NCALD: variants seen among roughly 807,000 people sequenced by gnomAD.
The protein encoded by NCALD is neurocalcin delta.
NCALD carries 10 observed loss-of-function variants against 18.6 expected under a neutral mutation model. That is an observed-to-expected ratio of 0.54 (90% confidence interval 0.33 to 0.91). The LOEUF is 0.91. NCALD is among the 40% of genes least tolerant of loss of function. The pLI, the probability that NCALD is intolerant of heterozygous loss-of-function variation, is 0.03. For synonymous variants in NCALD, 88 were observed against 87.4 expected (o/e 1.01, Z -0.04); for missense variants, 184 against 247.6 (o/e 0.74, Z 1.72).
chr8:102,039,115 G>C (rs1822966233), intron 1 of NCALD, among the ~76,000 whole-genome samples: 1 of 152,094 alleles, frequency 6.6e-6, no homozygotes, highest in Admixed American at 6.5e-5. Context: ...AGGAACTTGA[G>C]CCTTGATGAG....
intron 1 of NCALD, among the ~76,000 whole-genome samples, chr8:101,784,876 C>T (rs772969014): frequency 2.0e-5 from 3 of 152,166 alleles, no homozygotes; most frequent in Admixed American, 6.5e-5. Context: ...CAACATATAA[C>T]ATTAATTCTG....
Position 101,747,558 on chromosome 8 carries a change from C to T in NCALD, c.-19-27910G>A, listed in dbSNP as rs527734305. The stretch of plus-strand genomic sequence containing the variant: ...TAGTGTGAGATAGAGAATAAATTTT[C>T]TCTGTGGCAAGCCAAGGTTGGAGTT... On this transcript the variant is annotated intron_variant, in intron 1 of 3. Transcript: ENST00000220931. Among the ~76,000 whole-genome samples the T allele has an allele frequency of 7.2e-5, 11 of 152,256 alleles. No individual in the cohort carries two copies. The South Asian group carries it at 2.3e-3, about 32-fold the overall frequency.
At chr8:101,768,742 A>C (rs979040188) in intron 1 of NCALD, among the ~76,000 whole-genome samples, 12 of 151,502 alleles carry the variant, frequency 7.9e-5, no homozygotes, top group South Asian at 6.3e-4. Flanking sequence ...AAAAAGAAAG[A>C]AAGCAAGAAA....
intron 1 of NCALD, among the ~76,000 whole-genome samples, chr8:101,768,723 C>CAAAAA (rs71268528): frequency 7.3e-6 from 1 of 136,864 alleles, no homozygotes; most frequent in Non-Finnish European, 1.6e-5. Context: ...AACAAAAAAA[C>CAAAAA]AAAAAAAAAA....
chr8:101,870,909 C>CA (rs1554649159), intron 4 of NCALD, among the ~76,000 whole-genome samples: 2,268 of 81,440 alleles, frequency 0.028, 200 homozygotes, highest in African/African-American at 0.08. Flanking sequence ...CCCCCCCCCC[C>CA]AAAAAAAGAG....
chr8:101,777,786 AAATC>A (rs1170334574), intron 1 of NCALD, among the ~76,000 whole-genome samples: 1 of 152,224 alleles, frequency 6.6e-6, no homozygotes, highest in Non-Finnish European at 1.5e-5. Context: ...GAAAAAGAAT[AAATC>A]AAGAACTGGG....
intron 1 of NCALD, among the ~76,000 whole-genome samples, chr8:101,779,749 T>C (rs982130516): frequency 3.3e-5 from 5 of 152,206 alleles, no homozygotes; most frequent in African/African-American, 1.2e-4. Context: ...GTATTTTTGT[T>C]TGATTATCTG....
chr8:101,962,929 A>G (rs1323351524), intron 2 of NCALD, among the ~76,000 whole-genome samples: 1 of 152,178 alleles, frequency 6.6e-6, no homozygotes, highest in Non-Finnish European at 1.5e-5. Flanking sequence ...AACAAACAAA[A>G]AAAACAAAAC....
intron 1 of NCALD, among the ~76,000 whole-genome samples, chr8:102,083,532 TA>T (rs1563603199): frequency 6.6e-6 from 1 of 152,166 alleles, no homozygotes; most frequent in African/African-American, 2.4e-5. Flanking sequence ...TTTAACTTTT[TA>T]AAAAATTAGA....
intron 2 of NCALD, among the ~76,000 whole-genome samples, chr8:101,712,602 A>AAAG (rs1554610758): frequency 1.4e-4 from 18 of 129,814 alleles, no homozygotes; most frequent in African/African-American, 4.9e-4. Context: ...AAAAAAAAAA[A>AAAG]AAAAAAAAAT....
At chr8:102,116,499 T>G (rs1398260927) in intron 1 of NCALD, among the ~76,000 whole-genome samples, 1 of 152,114 alleles carries the variant, frequency 6.6e-6, no homozygotes, top group Non-Finnish European at 1.5e-5. Flanking sequence ...TGTTGTTGTT[T>G]TGAGACAAGG....
chr8:101,695,294 G>T (rs1814938908), intron 2 of NCALD, among the ~76,000 whole-genome samples: 1 of 152,126 alleles, frequency 6.6e-6, no homozygotes, highest in African/African-American at 2.4e-5. Flanking sequence ...GTTTTAAGGG[G>T]GCTGTGTATT....
chr8:101,777,321 T>C (rs1811834267), intron 1 of NCALD, among the ~76,000 whole-genome samples: 1 of 152,178 alleles, frequency 6.6e-6, no homozygotes, highest in Non-Finnish European at 1.5e-5. Context: ...AGAAAGCTTG[T>C]AGCTTAATGG....
intron 4 of NCALD, among the ~76,000 whole-genome samples, chr8:101,814,677 T>TG (rs1158559832): frequency 1.3e-5 from 2 of 152,082 alleles, no homozygotes; most frequent in East Asian, 1.9e-4. Context: ...AATAAAACTT[T>TG]GTTTGCAGGT....
At chr8:101,807,740 T>A (rs2131121881) in intron 4 of NCALD, among the ~76,000 whole-genome samples, 1 of 152,306 alleles carries the variant, frequency 6.6e-6, no homozygotes, top group East Asian at 1.9e-4. Flanking sequence ...ACTGAAATAC[T>A]GGTAAAAATA....
intron 1 of NCALD, among the ~76,000 whole-genome samples, chr8:101,790,518 C>G (rs1812406096): frequency 6.6e-6 from 1 of 152,180 alleles, no homozygotes; most frequent in Non-Finnish European, 1.5e-5. Flanking sequence ...CAAGGCTATG[C>G]TGGAGTTTTT....
chr8:101,908,335 G>C (rs912944761), intron 3 of NCALD, among the ~76,000 whole-genome samples: 1 of 152,084 alleles, frequency 6.6e-6, no homozygotes, highest in African/African-American at 2.4e-5. Context: ...GGGAGTTTGT[G>C]GGGAGGGTGT....
chr8:101,752,323 T>TA (rs1453046868), intron 1 of NCALD, among the ~76,000 whole-genome samples: 1 of 152,140 alleles, frequency 6.6e-6, no homozygotes, highest in African/African-American at 2.4e-5. Flanking sequence ...ACCACTACCT[T>TA]AAAAAAGTAA....
At chr8:102,081,857 C>G (rs1824549797) in intron 1 of NCALD, among the ~76,000 whole-genome samples, 1 of 152,190 alleles carries the variant, frequency 6.6e-6, no homozygotes, top group African/African-American at 2.4e-5. Flanking sequence ...CCTCTGGCTG[C>G]TGGATTAGCC....
Sources: gnomAD v4.1 joint callset for allele counts (sites outside exome capture counted in the v4.1 genomes callset) on GRCh38, gnomAD v4.1.1 for gene constraint, MANE v1.5 for transcripts, NCBI Gene and HGNC (gene_info 2026-07-23, HGNC 2026-07-21) for gene names.